The following RILPL2 variants were observed in gnomAD, a reference collection of about 807,000 sequenced individuals.
RILPL2 encodes RILP-like protein 2.
A neutral mutation model predicts 22.2 loss-of-function variants in RILPL2; 19 were observed. The ratio of observed to expected loss-of-function variants is 0.86; its 90% confidence interval spans 0.60 to 1.25. The LOEUF (loss-of-function observed/expected upper bound fraction) is 1.25. Ranked by LOEUF, RILPL2 falls within the 50% of genes most tolerant of loss-of-function variation. The pLI is 0.00. For synonymous variants in RILPL2, 123 were observed against 111.6 expected (o/e 1.10, Z -0.64); for missense variants, 243 against 263.6 (o/e 0.92, Z 0.54).
At chr12:123,412,456 C>T (rs1319212242), downstream of RILPL2, 1 of 152,182 alleles carries the variant, frequency 6.6e-6, no homozygotes, top group Non-Finnish European at 1.5e-5. Context: ...TGCAGTGTTA[C>T]ACAGGGTTCT....
At chr12:123,418,690 GA>G (rs1173199678) in intron 3 of RILPL2, among the ~76,000 whole-genome samples, 2 of 148,810 alleles carry the variant, frequency 1.3e-5, no homozygotes, top group African/African-American at 4.9e-5. Flanking sequence ...AGGAACTTTT[GA>G]AAAAAATCCA....
intron 2 of RILPL2, 45 bp from the exon 3 acceptor site, chr12:123,423,202 C>CTT (rs1555259803): frequency 5.7e-5 from 49 of 862,726 alleles, no homozygotes; most frequent in East Asian, 4.1e-4. Context: ...TATTACAGAT[C>CTT]GTTTTTTTTT....
intron 3 of RILPL2, among the ~76,000 whole-genome samples, chr12:123,422,601 G>T (rs527984763): frequency 1.3e-5 from 2 of 152,136 alleles, no homozygotes; most frequent in Non-Finnish European, 2.9e-5. Context: ...GGCTTCAAAT[G>T]AATCTCTTGC....
In RILPL2 at chr12:123,423,076, C is replaced by T; in HGVS notation, c.573G>A (p.Arg191=). 1 of 1,613,696 alleles carries T rather than the reference C, an allele frequency of 6.2e-7. No individual in the cohort carries two copies. ...AVVTSAKNAG[R]NKEEKTIIKK... ...TTATGATTGTCTTCTCCTCCTTGTTCCTGCCAGCATTTTTGGCACTAGTAA... is the reference window on the plus strand; with the variant it reads ...TTATGATTGTCTTCTCCTCCTTGTTTCTGCCAGCATTTTTGGCACTAGTAA... Residue 191 remains arginine (R), a synonymous_variant, in exon 3 of 4, where the codon AGG becomes AGA. Coordinates refer to ENST00000280571, the MANE Select transcript of RILPL2 (RefSeq NM_145058.3).
chr12:123,420,844 G>A (rs1056369937), intron 3 of RILPL2, among the ~76,000 whole-genome samples: 3 of 152,100 alleles, frequency 2.0e-5, no homozygotes, highest in African/African-American at 4.8e-5. Flanking sequence ...GATTAGGGGC[G>A]AATGCACTTA....
Position 123,415,699 on chromosome 12 carries a change from G to C in RILPL2, c.*192C>G. ...CACTGGCCCAGGCCAAATCTTCAAG[G>C]GTGTCTAGTTCTGCAGCCAGGGAGA... is the stretch of plus-strand genomic sequence containing the variant. On this transcript the variant is annotated 3_prime_UTR_variant, in exon 4 of 4. Coordinates refer to ENST00000280571, the MANE Select transcript of RILPL2 (RefSeq NM_145058.3). 4.3e-6 allele frequency: 3 copies of C among 698,026 alleles called. No individual in the cohort carries two copies. Among genetic ancestry groups the C allele is most frequent in the Admixed American group, 4.4e-5 (2 of 45,084 alleles). The allele number at this position is 698,026 out of a possible 1,614,324, so 43.2% of individuals were successfully genotyped here. A position where few individuals can be genotyped will look rare whatever the true frequency, so the allele number is the denominator to read the frequency against.
chr12:123,423,608 C>T (rs114746367), intron 2 of RILPL2, among the ~76,000 whole-genome samples: 1 of 151,276 alleles, frequency 6.6e-6, no homozygotes, highest in Admixed American at 6.6e-5. Flanking sequence ...CAGAGAAATT[C>T]TGTTTAAAAT....
chr12:123,431,818 T>G (rs1044665752), intron 1 of RILPL2, among the ~76,000 whole-genome samples: 8 of 142,114 alleles, frequency 5.6e-5, no homozygotes, highest in Admixed American at 4.9e-4. Context: ...AGAGCGAAAC[T>G]CCATCTCAAA....
chr12:123,416,014 C>T, intron 3 of RILPL2, 93 bp from the exon 4 acceptor site: 1 of 1,263,234 alleles, frequency 7.9e-7, no homozygotes, highest in Non-Finnish European at 1.2e-6. Flanking sequence ...GCTCTTGCAG[C>T]TGTTGACTCA....
Position 123,436,138 on chromosome 12 carries a change from G to C in RILPL2, c.283C>G (p.His95Asp). 6.3e-7 allele frequency: 1 copy of C among 1,599,242 alleles called. No homozygotes were observed. Among genetic ancestry groups the C allele is most frequent in the Non-Finnish European group, 8.5e-7 (1 of 1,173,540 alleles). ...AGCCCCTCCACCTCCTTCCTGAGGT[G>C]GTCCCTCTCCATCTTCAGCTCCTCC... The part of the protein sequence containing the change: ...ALEELKMERD[H>D]LRKEVEGLRR... Residue 95 changes from histidine (H) to aspartate (D), a missense_variant, in exon 1 of 4, where the codon CAC (histidine) becomes GAC (aspartate). Transcript: ENST00000280571. This position sits in a 1 kb window ranked among gnomAD's most constrained non-coding sequence, Gnocchi z 6.7.
chr12:123,432,114 T>C (rs1467121858), intron 1 of RILPL2, among the ~76,000 whole-genome samples: 16 of 151,956 alleles, frequency 1.1e-4, no homozygotes, highest in Admixed American at 1.1e-3. Flanking sequence ...CAGGCTGGTC[T>C]TGAACTCTGA....
chr12:123,430,154 A>T (rs961290913), intron 2 of RILPL2, among the ~76,000 whole-genome samples: 29 of 142,230 alleles, frequency 2.0e-4, no homozygotes, highest in Non-Finnish European at 2.7e-4. Context: ...TCATGCCTGT[A>T]ATCCCGGCAC....
Position 123,415,428 on chromosome 12 carries a change from TAAAG to T in RILPL2, c.*459_*462del, listed in dbSNP as rs1458112795. 5 of 171,572 alleles carry T rather than the reference TAAAG, an allele frequency of 2.9e-5. No individual in the cohort carries two copies. Among genetic ancestry groups the T allele is most frequent in the Admixed American group, 5.6e-5 (1 of 17,716 alleles). The allele number at this position is 171,572 out of a possible 1,614,324, so 10.6% of individuals were successfully genotyped here. A position where few individuals can be genotyped will look rare whatever the true frequency, so the allele number is the denominator to read the frequency against. On this transcript the variant is annotated 3_prime_UTR_variant, in exon 4 of 4. Coordinates refer to ENST00000280571, the MANE Select transcript of RILPL2 (RefSeq NM_145058.3). ...CATTTTACTTTAATACAAAATCACA[TAAAG>T]AAAGGCATGTTGGCTAAATCAAATA...
chr12:123,434,864 T>A (rs1482548856), intron 1 of RILPL2, among the ~76,000 whole-genome samples: 3 of 151,952 alleles, frequency 2.0e-5, no homozygotes, highest in Admixed American at 2.0e-4. Context: ...ATTTTGCCTG[T>A]TCATGAATTT....
intron 2 of RILPL2, among the ~76,000 whole-genome samples, chr12:123,427,198 C>T (rs1879465719): frequency 6.6e-6 from 1 of 152,164 alleles, no homozygotes; most frequent in Admixed American, 6.6e-5. Context: ...GGGCTGTGCA[C>T]AGCTGGGGCT....
chr12:123,422,005 C>CTTTT (rs35786523), intron 3 of RILPL2, among the ~76,000 whole-genome samples: 43,683 of 131,818 alleles, frequency 0.33, 7,925 homozygotes, highest in East Asian at 0.67. Context: ...CTTTCTCTCT[C>CTTTT]TTTTTTTTTT....
At chr12:123,414,572 G>T (rs560796068), downstream of RILPL2, 18 of 152,908 alleles carry the variant, frequency 1.2e-4, no homozygotes, top group Non-Finnish European at 2.5e-4. Context: ...ACAGTGCAGC[G>T]GTGGGCTGAA....
chr12:123,429,954 A>G (rs1879569284), intron 2 of RILPL2, among the ~76,000 whole-genome samples: 1 of 151,680 alleles, frequency 6.6e-6, no homozygotes. Flanking sequence ...TGTCTCTACA[A>G]AAAATAAGAA....
At position 123,430,569 on chromosome 12, in the gene RILPL2, C is replaced by G; in HGVS notation, c.430G>C (p.Glu144Gln). Residue 144 changes from glutamate to glutamine, a missense_variant, in exon 2 of 4, where the codon GAA becomes CAA. Glu to Gln is a conservative substitution (Grantham distance 29). Transcript: ENST00000280571. ...TLQELRDVLQ[E>Q]RNKLKSQLLV... ...AGCTGCGACTTGAGTTTGTTGCGTT[C>G]CTGCAGCACATCCCTTAGCTCCTGC... The G allele has an allele frequency of 6.2e-7, 1 of 1,613,206 alleles. No homozygotes were observed. The highest frequency in any genetic ancestry group is 8.5e-7 in the Non-Finnish European group (1 of 1,179,454).
Sources: gnomAD v4.1 joint callset for allele counts (sites outside exome capture counted in the v4.1 genomes callset) on GRCh38, gnomAD v4.1.1 for gene constraint, Gnocchi (gnomAD v3.1) non-coding constraint, MANE v1.5 for transcripts, NCBI Gene and HGNC (gene_info 2026-07-23, HGNC 2026-07-21) for gene names.